DLG2: variants seen among roughly 807,000 people sequenced by gnomAD.
DLG2 encodes the protein disks large homolog 2.
DLG2 carries 45 observed loss-of-function variants against 132.5 expected under a neutral mutation model. The observed-to-expected ratio is 0.34, with a 90% CI of 0.27 to 0.44. The LOEUF is 0.44. DLG2 is among the 20% of genes least tolerant of loss of function. The pLI is 1.00. For synonymous variants in DLG2, 424 were observed against 419.6 expected (o/e 1.01, Z -0.13); for missense variants, 1,045 against 1,196.9 (o/e 0.87, Z 1.87).
At chr11:85,318,935 T>C (rs561096632) in intron 3 of DLG2, among the ~76,000 whole-genome samples, 62 of 151,962 alleles carry the variant, frequency 4.1e-4, no homozygotes, top group African/African-American at 1.3e-3. Flanking sequence ...GCTAATTTCA[T>C]CCACAAATAA....
chr11:83,863,075 T>G (rs2061707850), intron 16 of DLG2, among the ~76,000 whole-genome samples: 1 of 152,144 alleles, frequency 6.6e-6, no homozygotes, highest in African/African-American at 2.4e-5. Flanking sequence ...ATACTGGCAT[T>G]GTGTATGTAA....
chr11:85,249,067 T>A (rs1297310478), intron 4 of DLG2, among the ~76,000 whole-genome samples: 1 of 152,116 alleles, frequency 6.6e-6, no homozygotes, highest in Non-Finnish European at 1.5e-5. Context: ...TTAAAAAATC[T>A]TTTTCTTCAC....
At chr11:83,740,003 A>G (rs1201736566) in intron 18 of DLG2, among the ~76,000 whole-genome samples, 1 of 152,200 alleles carries the variant, frequency 6.6e-6, no homozygotes, top group African/African-American at 2.4e-5. Context: ...GTGATAGCTG[A>G]TGACAGAATT....
At chr11:85,470,200 T>A (rs2092936893) in intron 3 of DLG2, among the ~76,000 whole-genome samples, 1 of 147,378 alleles carries the variant, frequency 6.8e-6, no homozygotes, top group Admixed American at 6.8e-5. Context: ...GAAAACCAAA[T>A]TAATCTACTT....
intron 6 of DLG2, among the ~76,000 whole-genome samples, chr11:84,836,629 G>A (rs2079820095): frequency 6.6e-6 from 1 of 151,824 alleles, no homozygotes. Flanking sequence ...AAGGAAGACA[G>A]CTTTTGCCCT....
chr11:85,582,914 A>T (rs1418918294), intron 3 of DLG2, among the ~76,000 whole-genome samples: 1 of 148,814 alleles, frequency 6.7e-6, no homozygotes, highest in Non-Finnish European at 1.5e-5. Flanking sequence ...GGTACATTAG[A>T]TGATTCAATT....
intron 6 of DLG2, among the ~76,000 whole-genome samples, chr11:85,030,108 A>G (rs1314737449): frequency 2.6e-5 from 4 of 152,224 alleles, no homozygotes; most frequent in Non-Finnish European, 4.4e-5. Context: ...CCACTTCGCA[A>G]ATACTTCATT....
At chr11:85,314,574 A>G (rs2080526459) in intron 3 of DLG2, among the ~76,000 whole-genome samples, 1 of 151,966 alleles carries the variant, frequency 6.6e-6, no homozygotes, top group Non-Finnish European at 1.5e-5. Flanking sequence ...CTATAAGTAG[A>G]GCCTGAGGCA....
chr11:85,522,572 T>C (rs1459650593), intron 3 of DLG2, among the ~76,000 whole-genome samples: 3 of 152,100 alleles, frequency 2.0e-5, no homozygotes, highest in Admixed American at 6.5e-5. Context: ...ATGTCAGCCA[T>C]GAAAGCAGCT....
chr11:84,115,417 C>G (rs956220665), intron 9 of DLG2, among the ~76,000 whole-genome samples: 3 of 152,040 alleles, frequency 2.0e-5, no homozygotes, highest in Non-Finnish European at 4.4e-5. Flanking sequence ...CACTCCATTC[C>G]CCTTAGGAGT....
chr11:85,240,753 A>C (rs1273085001), intron 4 of DLG2, among the ~76,000 whole-genome samples: 2 of 151,848 alleles, frequency 1.3e-5, no homozygotes, highest in African/African-American at 4.8e-5. Context: ...ATTCTTGGTC[A>C]ATTTATCAAT....
chr11:83,685,956 C>A (rs1396550881), intron 18 of DLG2, among the ~76,000 whole-genome samples: 2 of 151,872 alleles, frequency 1.3e-5, no homozygotes, highest in Admixed American at 1.3e-4. Flanking sequence ...ACACCCCATG[C>A]CTTATTCATC....
At chr11:83,842,409 C>T (rs902786737) in intron 16 of DLG2, among the ~76,000 whole-genome samples, 3 of 150,552 alleles carry the variant, frequency 2.0e-5, no homozygotes, top group African/African-American at 7.3e-5. Flanking sequence ...TTCTGGCCAA[C>T]ATGGTGAAAC....
At chr11:84,171,384 CT>C (rs1303711702) in intron 8 of DLG2, among the ~76,000 whole-genome samples, 1 of 152,106 alleles carries the variant, frequency 6.6e-6, no homozygotes, top group East Asian at 1.9e-4. Flanking sequence ...TTTCTTATCC[CT>C]CATTCCATTC....
At chr11:83,679,883 C>T (rs1236066844) in intron 18 of DLG2, among the ~76,000 whole-genome samples, 2 of 152,144 alleles carry the variant, frequency 1.3e-5, no homozygotes. Context: ...TCCATTTACA[C>T]CTTGCTGAGC....
chr11:84,278,059 T>G (rs868492934), intron 7 of DLG2, among the ~76,000 whole-genome samples: 111 of 147,992 alleles, frequency 7.5e-4, no homozygotes, highest in African/African-American at 2.7e-3. Context: ...TTTTTTTTTT[T>G]TTTTTTTTTT....
intron 7 of DLG2, among the ~76,000 whole-genome samples, chr11:84,266,960 A>C (rs1414050152): frequency 6.6e-6 from 1 of 152,268 alleles, no homozygotes; most frequent in Admixed American, 6.5e-5. Flanking sequence ...CTTGCCCTGC[A>C]AGGAATTCAT....
chr11:85,495,914 T>C (rs2093658748), intron 3 of DLG2, among the ~76,000 whole-genome samples: 1 of 152,058 alleles, frequency 6.6e-6, no homozygotes, highest in Non-Finnish European at 1.5e-5. Flanking sequence ...ATAAAGAAAA[T>C]GTGGCACATG....
chr11:85,192,793 A>T (rs1362901757), intron 4 of DLG2, among the ~76,000 whole-genome samples: 2 of 152,046 alleles, frequency 1.3e-5, no homozygotes, highest in African/African-American at 4.8e-5. Flanking sequence ...ATCTTTTTAT[A>T]TTCAGATGCT....
Sources: gnomAD v4.1 joint callset for allele counts (sites outside exome capture counted in the v4.1 genomes callset) on GRCh38, gnomAD v4.1.1 for gene constraint, MANE v1.5 for transcripts, NCBI Gene and HGNC (gene_info 2026-07-23, HGNC 2026-07-21) for gene names.